The following EVC2 variants were observed in gnomAD, a reference collection of about 807,000 sequenced individuals.
EVC2 encodes limbin.
Under a neutral mutation model 149.3 loss-of-function variants are expected in EVC2, and 148 were observed. The observed-to-expected ratio is 0.99, with a 90% confidence interval of 0.87 to 1.14. EVC2 has a LOEUF of 1.14. Ranked by LOEUF, EVC2 falls within the 50% of genes most tolerant of loss-of-function variation. The pLI, the probability that EVC2 is intolerant of heterozygous loss-of-function variation, is 0.00. For synonymous variants in EVC2, 776 were observed against 649.9 expected (o/e 1.19, Z -2.95); for missense variants, 1,854 against 1,627.3 (o/e 1.14, Z -2.40).
At chr4:5,671,105 A>G (rs1277311386) in intron 7 of EVC2, among the ~76,000 whole-genome samples, 1 of 152,226 alleles carries the variant, frequency 6.6e-6, no homozygotes, top group Non-Finnish European at 1.5e-5. Context: ...TTTAATCTCC[A>G]CAACAATACT....
chr4:5,659,075 G>T (rs900007646), intron 9 of EVC2, among the ~76,000 whole-genome samples: 1 of 152,146 alleles, frequency 6.6e-6, no homozygotes, highest in South Asian at 2.1e-4. Flanking sequence ...CAATGTAAAA[G>T]ATAAACCACC....
intron 20 of EVC2, among the ~76,000 whole-genome samples, chr4:5,565,818 C>T (rs1279548855): frequency 9.2e-5 from 14 of 152,166 alleles, no homozygotes; most frequent in African/African-American, 2.9e-4. Flanking sequence ...ATCCATCAAA[C>T]GCCTTCTGCA....
At chr4:5,561,755 A>G (rs1033042821), downstream of EVC2, among the ~76,000 whole-genome samples, 3 of 152,146 alleles carry the variant, frequency 2.0e-5, no homozygotes, top group African/African-American at 7.2e-5. Flanking sequence ...TGGCAGTAAA[A>G]TGGGAATAGG....
intron 21 of EVC2, among the ~76,000 whole-genome samples, chr4:5,549,006 C>G (rs1721680807): frequency 7.0e-6 from 1 of 141,856 alleles, no homozygotes; most frequent in Non-Finnish European, 1.5e-5. Flanking sequence ...CCCTCCCTCC[C>G]TCCCTGAATA....
intron 16 of EVC2, among the ~76,000 whole-genome samples, chr4:5,611,145 GTA>G (rs1376561381): frequency 1.3e-5 from 2 of 152,158 alleles, no homozygotes; most frequent in Non-Finnish European, 2.9e-5. Flanking sequence ...GTGATAACTA[GTA>G]TGTTACATGG....
At chr4:5,541,605 T>C (rs551940470), downstream of EVC2, among the ~76,000 whole-genome samples, 1 of 152,154 alleles carries the variant, frequency 6.6e-6, no homozygotes, top group African/African-American at 2.4e-5. Context: ...CTCTCCACCT[T>C]CCTACCATGG....
the EVC2 span, among the ~76,000 whole-genome samples, chr4:5,531,634 C>A: frequency 1.3e-5 from 2 of 152,020 alleles, no homozygotes; most frequent in Non-Finnish European, 2.9e-5. Flanking sequence ...TGCGAGGGAT[C>A]TAGGTTGCGT....
intron 17 of EVC2, among the ~76,000 whole-genome samples, chr4:5,580,803 G>GTGTTCCCGCTTAAATC (rs57966881): frequency 6.6e-6 from 1 of 152,116 alleles, no homozygotes; most frequent in South Asian, 2.1e-4. Context: ...GACTGAATTT[G>GTGTTCCCGCTTAAATC]TCATGTTGAA....
At chr4:5,564,341 T>C (rs1431278631) in intron 21 of EVC2, among the ~76,000 whole-genome samples, 2 of 152,236 alleles carry the variant, frequency 1.3e-5, no homozygotes, top group Non-Finnish European at 2.9e-5. Context: ...CCTAATGGAA[T>C]ATTTTAGAGT....
At chr4:5,628,510 G>A in intron 12 of EVC2, 49 bp downstream of exon 12, 1 of 1,603,152 alleles carries the variant, frequency 6.2e-7, no homozygotes, top group Non-Finnish European at 8.5e-7. Context: ...CATAGCAGCA[G>A]AAAACAGACT....
In EVC2 at chr4:5,697,688, C is replaced by A. The variant is rs371922111; in HGVS notation, c.229-41G>T. Reference sequence around the variant, plus strand: ...CACAAAGTCATTAATGGAACACATACTTCTGAGAAGTGATAATAAATAATC... The same window carrying A: ...CACAAAGTCATTAATGGAACACATAATTCTGAGAAGTGATAATAAATAATC... On this transcript the variant is annotated intron_variant, in intron 1 of 21. Coordinates refer to ENST00000344408, the MANE Select transcript of EVC2 (RefSeq NM_147127.5). The A allele has an allele frequency of 2.1e-5, 32 of 1,547,418 alleles. No homozygotes were observed. The African/African-American group carries it at 3.8e-4, about 18-fold the overall frequency.
intron 16 of EVC2, among the ~76,000 whole-genome samples, chr4:5,591,086 G>T (rs1020832779): frequency 2.0e-4 from 31 of 152,306 alleles, no homozygotes; most frequent in Middle Eastern, 6.8e-3. Context: ...AATTCAAGAT[G>T]AGATTGGGTG....
chr4:5,632,584 A>G (rs1275066087), intron 10 of EVC2, among the ~76,000 whole-genome samples: 3 of 152,324 alleles, frequency 2.0e-5, no homozygotes, highest in East Asian at 3.9e-4. Flanking sequence ...GGCTCACAAG[A>G]TTATTTCTCC....
intron 16 of EVC2, among the ~76,000 whole-genome samples, chr4:5,596,295 C>A (rs1449433616): frequency 6.6e-6 from 1 of 152,168 alleles, no homozygotes; most frequent in Admixed American, 6.5e-5. Context: ...CACACCTGTT[C>A]CAAAATTGAC....
At position 5,670,786 on chromosome 4, in the gene EVC2, A is replaced by G. The variant is rs1719601503; in HGVS notation, c.871-5137T>C. Among the ~76,000 whole-genome samples, 1 of 151,780 alleles carries G rather than the reference A, an allele frequency of 6.6e-6. No individual in the cohort carries two copies. The highest frequency in any genetic ancestry group is 6.6e-5 in the Admixed American group (1 of 15,240). On this transcript the variant is annotated intron_variant, in intron 7 of 21. Coordinates refer to ENST00000344408, the MANE Select transcript of EVC2 (RefSeq NM_147127.5). This position sits in a 1 kb window ranked among gnomAD's most constrained non-coding sequence, Gnocchi z 5.2. ...CATCGCCATCAAATTCATTATCACC[A>G]TCACCACCATGACCACCACCACCAT...
At chr4:5,617,958 CA>C (rs1362341393) in intron 15 of EVC2, among the ~76,000 whole-genome samples, 1 of 152,092 alleles carries the variant, frequency 6.6e-6, no homozygotes, top group African/African-American at 2.4e-5. Flanking sequence ...AAAACTGTAC[CA>C]AAGAGTTGTC....
intron 16 of EVC2, among the ~76,000 whole-genome samples, chr4:5,598,878 AAAAC>A (rs1347308671): frequency 1.3e-5 from 2 of 152,216 alleles, no homozygotes; most frequent in African/African-American, 2.4e-5. Flanking sequence ...TACAAGAAAA[AAAAC>A]AAACAACCCC....
At chr4:5,705,382 C>T (rs1341783202) in intron 1 of EVC2, among the ~76,000 whole-genome samples, 1 of 152,144 alleles carries the variant, frequency 6.6e-6, no homozygotes, top group Non-Finnish European at 1.5e-5. Context: ...CTCCTTTACA[C>T]ATTTTCCAAT....
intron 6 of EVC2, among the ~76,000 whole-genome samples, chr4:5,684,558 C>G (rs1005431758): frequency 9.8e-6 from 1 of 102,188 alleles, no homozygotes; most frequent in Admixed American, 1.1e-4. Flanking sequence ...GGGACCACAT[C>G]TCCTCCAGCC....
Sources: gnomAD v4.1 joint callset for allele counts (sites outside exome capture counted in the v4.1 genomes callset) on GRCh38, gnomAD v4.1.1 for gene constraint, Gnocchi (gnomAD v3.1) non-coding constraint, MANE v1.5 for transcripts, NCBI Gene and HGNC (gene_info 2026-07-23, HGNC 2026-07-21) for gene names.